CLNS1A: variants seen among roughly 807,000 people sequenced by gnomAD.
CLNS1A encodes the protein methylosome subunit pICln.
A neutral mutation model predicts 29.4 loss-of-function variants in CLNS1A; 16 were observed. The observed-to-expected ratio is 0.54, with a 90% CI of 0.37 to 0.83. The LOEUF (loss-of-function observed/expected upper bound fraction) is 0.83, where lower values mean the gene tolerates loss of function less well. Among genes scored for constraint, CLNS1A ranks in the 40% least tolerant of loss-of-function variants. The pLI is 0.00. For missense variants in CLNS1A, 235 were observed against 287.4 expected, an observed-to-expected ratio of 0.82 and a Z score of 1.32; for synonymous variants, 96 against 104.8, an observed-to-expected ratio of 0.92 and a Z score of 0.51.
intron 1 of CLNS1A, among the ~76,000 whole-genome samples, chr11:77,635,495 G>A (rs1327690339): frequency 6.6e-6 from 1 of 151,942 alleles, no homozygotes; most frequent in Non-Finnish European, 1.5e-5. Context: ...GGGATTACAG[G>A]TGCACGCCAC....
intron 1 of CLNS1A, among the ~76,000 whole-genome samples, 158 bp downstream of exon 1, chr11:77,637,432 G>A (rs751391913): frequency 2.8e-4 from 42 of 151,270 alleles, no homozygotes; most frequent in Admixed American, 5.3e-4. Context: ...GAAAAATCGA[G>A]CCTTCCACCC....
intron 2 of CLNS1A, among the ~76,000 whole-genome samples, chr11:77,626,809 A>G (rs1247799265): frequency 6.6e-6 from 1 of 150,720 alleles, no homozygotes; most frequent in Admixed American, 6.6e-5. Context: ...CTCCTGCCTC[A>G]GCCTCCTGAG....
intron 2 of CLNS1A, among the ~76,000 whole-genome samples, chr11:77,626,168 C>G (rs537217674): frequency 3.3e-5 from 5 of 152,128 alleles, no homozygotes; most frequent in African/African-American, 1.2e-4. Context: ...GACTGGACAC[C>G]CTTGCCCTCT....
intron 5 of CLNS1A, among the ~76,000 whole-genome samples, chr11:77,621,294 AACACAC>A (rs71854653): frequency 0.22 from 33,041 of 149,364 alleles, 3,723 homozygotes; most frequent in Middle Eastern, 0.28. Context: ...CTCTGTCTCA[AACACAC>A]ACACACACAC....
Position 77,614,545 on chromosome 11 carries a change from C to T in CLNS1A, c.*2173G>A, listed in dbSNP as rs751792892. On this transcript the variant is annotated 3_prime_UTR_variant, in exon 7 of 7. Coordinates refer to ENST00000525428, the MANE Select transcript of CLNS1A (RefSeq NM_001293.3). ...TATTTTCAGTAGAGATGGGTTTTCA[C>T]CGTATTGGCCAGGCTGGTCTCAAAC... is the stretch of plus-strand genomic sequence containing the variant. The T allele has an allele frequency of 4.6e-5, 7 of 152,248 alleles. No individual in the cohort carries two copies. The highest frequency in any genetic ancestry group is 7.3e-5 in the Non-Finnish European group (5 of 68,120). 9.4% of individuals were successfully genotyped at this position (152,248 alleles called of 1,614,324 possible).
At chr11:77,623,369 T>C (rs1958982704) in intron 4 of CLNS1A, among the ~76,000 whole-genome samples, 1 of 152,114 alleles carries the variant, frequency 6.6e-6, no homozygotes, top group African/African-American at 2.4e-5. Context: ...CTGGGAGGAC[T>C]GCTTGAGCCC....
chr11:77,625,493 C>G (rs1959007441), intron 3 of CLNS1A: 2 of 501,686 alleles, frequency 4.0e-6, no homozygotes, highest in South Asian at 7.1e-5. Context: ...AAAATATACC[C>G]AGATGACAGA....
chr11:77,623,360 T>C (rs1253137276), intron 4 of CLNS1A, among the ~76,000 whole-genome samples: 2 of 152,110 alleles, frequency 1.3e-5, no homozygotes. Context: ...GAGGCCGAGC[T>C]GGGAGGACTG....
chr11:77,632,114 G>C (rs1476439876), intron 1 of CLNS1A, among the ~76,000 whole-genome samples: 1 of 152,142 alleles, frequency 6.6e-6, no homozygotes, highest in Admixed American at 6.5e-5. Context: ...ATTCCTACTG[G>C]TTCCAAAGAA....
chr11:77,631,409 C>A (rs1336384498), intron 1 of CLNS1A, among the ~76,000 whole-genome samples: 1 of 151,398 alleles, frequency 6.6e-6, no homozygotes, highest in East Asian at 1.9e-4. Context: ...CAAGCTCCGC[C>A]TCTCGGGTTC....
chr11:77,629,986 C>A, intron 1 of CLNS1A, 87 bp from the exon 2 acceptor site: 1 of 1,087,256 alleles, frequency 9.2e-7, no homozygotes, highest in East Asian at 2.6e-5. Flanking sequence ...GCTTGGACAC[C>A]TTTATGCATA....
intron 1 of CLNS1A, among the ~76,000 whole-genome samples, chr11:77,632,149 T>C (rs533765617): frequency 4.6e-5 from 7 of 152,240 alleles, no homozygotes; most frequent in African/African-American, 1.7e-4. Flanking sequence ...AATGAGGTTA[T>C]GTGCTGTATG....
At chr11:77,630,648 T>G (rs1441336499) in intron 1 of CLNS1A, among the ~76,000 whole-genome samples, 1 of 152,214 alleles carries the variant, frequency 6.6e-6, no homozygotes, top group African/African-American at 2.4e-5. Context: ...GCAAATATTT[T>G]ATTGGTGTAA....
intron 2 of CLNS1A, 56 bp from the exon 3 acceptor site, chr11:77,625,874 T>A: frequency 8.1e-6 from 11 of 1,350,222 alleles, no homozygotes; most frequent in Non-Finnish European, 1.0e-5. Flanking sequence ...AAATGAAGCA[T>A]ATTGAAAATC....
chr11:77,616,771 G>C (rs987431384), intron 6 of CLNS1A, 76 bp from the exon 7 acceptor site: 1 of 152,176 alleles, frequency 6.6e-6, no homozygotes, highest in Non-Finnish European at 1.5e-5. Flanking sequence ...GCCTAGTCAC[G>C]AGTGCCAGAG....
chr11:77,628,608 C>T (rs756883379), intron 2 of CLNS1A, among the ~76,000 whole-genome samples: 20 of 152,138 alleles, frequency 1.3e-4, no homozygotes, highest in Non-Finnish European at 2.5e-4. Context: ...GCCAAAAGTC[C>T]TAAGAATTAC....
chr11:77,637,002 A>G (rs111256822), intron 1 of CLNS1A, among the ~76,000 whole-genome samples: 3 of 152,056 alleles, frequency 2.0e-5, no homozygotes, highest in African/African-American at 7.2e-5. Context: ...CCCTCTGCAT[A>G]TGACCCCTGT....
rs1459712034 is a variant in CLNS1A at position 77,616,392 on chromosome 11, C to G, written c.*326G>C. ...TCCTGTGCATTTTCACCACATAGATCTGCTAGCTTACAAATGATGCACACA... is the reference window on the plus strand; with the variant it reads ...TCCTGTGCATTTTCACCACATAGATGTGCTAGCTTACAAATGATGCACACA... On this transcript the variant is annotated 3_prime_UTR_variant, in exon 7 of 7. Coordinates refer to ENST00000525428, the MANE Select transcript of CLNS1A (RefSeq NM_001293.3). 6.6e-6 allele frequency: 1 copy of G among 152,556 alleles called. No homozygotes were observed. Among genetic ancestry groups the G allele is most frequent in the Non-Finnish European group, 1.5e-5 (1 of 68,038 alleles). The allele number at this position is 152,556 out of a possible 1,614,324, so 9.5% of individuals were successfully genotyped here. A position where few individuals can be genotyped will look rare whatever the true frequency, so the allele number is the denominator to read the frequency against.
In CLNS1A at chr11:77,625,066, C is replaced by T. The variant is rs760059138; in HGVS notation, c.369G>A (p.Glu123=). 7 of 1,604,238 alleles carry T rather than the reference C, an allele frequency of 4.4e-6. No homozygotes were observed. In the East Asian group the frequency reaches 1.6e-4, roughly 36 times the overall value. ...RFVPSDKSAL[E]AMFTAMCECQ... is the part of the protein sequence containing the mutation. The stretch of plus-strand genomic sequence containing the variant: ...ATTCGCACATTGCAGTGAACATTGC[C>T]TCCACTGAACAAGGAAATTAAACTG... The change falls in exon 4 of 7, where the codon GAG becomes GAA. Residue 123 remains glutamate (E), a synonymous_variant. Transcript: ENST00000525428.
Sources: allele counts gnomAD v4.1 joint callset (sites outside exome capture counted in the v4.1 genomes callset), GRCh38; gene constraint gnomAD v4.1.1; transcripts MANE v1.5; gene names NCBI Gene and HGNC (gene_info 2026-07-23, HGNC 2026-07-21).